Variants in YPEL1 observed in about 807,000 individuals in gnomAD.
The protein encoded by YPEL1 is yippee like 1.
In YPEL1, 7 loss-of-function variants were observed where a neutral mutation model predicts 17.3. The observed-to-expected ratio is 0.40, with a 90% CI of 0.23 to 0.76. The LOEUF (loss-of-function observed/expected upper bound fraction) is 0.76. Among genes scored for constraint, YPEL1 ranks in the 30% least tolerant of loss-of-function variants. The pLI is 0.35. For synonymous variants in YPEL1, 59 were observed against 59.6 expected (o/e 0.99, Z 0.05); for missense variants, 91 against 155.5 (o/e 0.59, Z 2.21).
In YPEL1 at chr22:21,723,711, A is replaced by C. The variant is rs567547597; in HGVS notation, c.-165+11904T>G. 1.9e-4 allele frequency among the ~76,000 whole-genome samples: 26 copies of C among 140,014 alleles called. No individual in the cohort carries two copies. In the South Asian group the frequency reaches 5.6e-3, roughly 30 times the overall value. 91.9% of individuals were successfully genotyped at this position (140,014 alleles called of 152,430 possible). On this transcript the variant is annotated intron_variant, in intron 1 of 4. Transcript: ENST00000339468. Reference sequence around the variant, plus strand: ...ATTAATTTTTTTTTTTTTGAGACGGAGTCTCATTCTGTTCCCCAGGCTGGA... The same window carrying C: ...ATTAATTTTTTTTTTTTTGAGACGGCGTCTCATTCTGTTCCCCAGGCTGGA...
At position 21,732,705 on chromosome 22, in the gene YPEL1, C is replaced by T. The variant is rs1277386016; in HGVS notation, c.-165+2910G>A. ...GCTGAGACAGGAGAATCGCTTGAAC[C>T]CGGGAGGCGGAGGCTGCACTGAGCC... On this transcript the variant is annotated intron_variant, in intron 1 of 4. Transcript: ENST00000339468. Among the ~76,000 whole-genome samples, 13 of 152,134 alleles carry T rather than the reference C, an allele frequency of 8.5e-5. No individual in the cohort carries two copies. In the South Asian group the frequency reaches 1.9e-3, roughly 22 times the overall value.
At chr22:21,712,558 C>T (rs2068179624) in intron 1 of YPEL1, among the ~76,000 whole-genome samples, 1 of 151,606 alleles carries the variant, frequency 6.6e-6, no homozygotes, top group South Asian at 2.1e-4. Flanking sequence ...AACCCCGTCT[C>T]TACTAAAAAT....
Position 21,708,930 on chromosome 22 carries a change from T to C in YPEL1, c.117+1698A>G, listed in dbSNP as rs375142617. The stretch of plus-strand genomic sequence containing the variant: ...CTCAAGTGATCCGCCCACCTCGGTC[T>C]CCCAAAGTGCTGGGATTACAGGGGT... On this transcript the variant is annotated intron_variant, in intron 2 of 4. Transcript: ENST00000339468. 2.9e-4 allele frequency among the ~76,000 whole-genome samples: 44 copies of C among 152,210 alleles called. No homozygotes were observed. The South Asian group carries it at 8.9e-3, about 31-fold the overall frequency.
At position 21,700,939 on chromosome 22, in the gene YPEL1, G is replaced by A; in HGVS notation, c.*190C>T. On this transcript the variant is annotated 3_prime_UTR_variant, in exon 5 of 5. Transcript: ENST00000339468. ...TCATTGAAAATTTTCAGAAACAACT[G>A]TGTACACGAAGAGGACAGATCCGAG... The A allele has an allele frequency of 1.2e-5, 6 of 484,348 alleles. No homozygotes were observed. Among genetic ancestry groups the A allele is most frequent in the Non-Finnish European group, 1.8e-5 (5 of 271,690 alleles). 30.0% of individuals were successfully genotyped at this position (484,348 alleles called of 1,614,324 possible). A position where few individuals can be genotyped will look rare whatever the true frequency, so the allele number is the denominator to read the frequency against.
intron 1 of YPEL1, among the ~76,000 whole-genome samples, chr22:21,712,114 C>T (rs959862210): frequency 6.6e-6 from 1 of 152,048 alleles, no homozygotes; most frequent in African/African-American, 2.4e-5. Context: ...AGTTGAGGCT[C>T]AAGTGAGCTG....
At position 21,721,269 on chromosome 22, in the gene YPEL1, C is replaced by A. The variant is rs187775505; in HGVS notation, c.-164-10361G>T. Among the ~76,000 whole-genome samples the A allele has an allele frequency of 2.0e-3, 308 of 151,132 alleles. 1 individual carries two copies. Among genetic ancestry groups the A allele is most frequent in the African/African-American group, 7.1e-3 (293 of 41,106 alleles). ...CTGGGATTACAGGCGTGTGCCACCA[C>A]GCCCGGCTAATTTTTTTTGTGTGTA... On this transcript the variant is annotated intron_variant, in intron 1 of 4. Transcript: ENST00000339468.
At chr22:21,733,671 G>T (rs2068410128) in intron 1 of YPEL1, among the ~76,000 whole-genome samples, 1 of 152,066 alleles carries the variant, frequency 6.6e-6, no homozygotes, top group Non-Finnish European at 1.5e-5. Flanking sequence ...GCAGTGAGTG[G>T]AGACAGTGCC....
intron 1 of YPEL1, among the ~76,000 whole-genome samples, chr22:21,719,852 C>A (rs2068262795): frequency 6.6e-6 from 1 of 151,954 alleles, no homozygotes; most frequent in African/African-American, 2.4e-5. Context: ...ATGGTGAAAC[C>A]CGTCTCTACT....
intron 1 of YPEL1, among the ~76,000 whole-genome samples, chr22:21,713,720 T>C (rs2148604218): frequency 6.6e-6 from 1 of 152,290 alleles, no homozygotes; most frequent in Non-Finnish European, 1.5e-5. Context: ...ATGGTTAAGA[T>C]GGTAAGAGTT....
intron 2 of YPEL1, among the ~76,000 whole-genome samples, chr22:21,704,328 G>A (rs561580060): frequency 6.6e-6 from 1 of 152,282 alleles, no homozygotes; most frequent in Middle Eastern, 3.4e-3. Context: ...GGGGGTAGGG[G>A]GAGGTGTCCA....
chr22:21,717,047 C>G (rs71314791), intron 1 of YPEL1, among the ~76,000 whole-genome samples: 4,077 of 151,758 alleles, frequency 0.027, 80 homozygotes, highest in Non-Finnish European at 0.041. Context: ...ACTGAAGATA[C>G]GTCAGAATAA....
intron 1 of YPEL1, among the ~76,000 whole-genome samples, chr22:21,725,220 ATTT>A (rs991732672): frequency 7.9e-6 from 1 of 126,296 alleles, no homozygotes; most frequent in African/African-American, 2.9e-5. Flanking sequence ...TAAAATGGTA[ATTT>A]TTTTTTTTTT....
intron 1 of YPEL1, among the ~76,000 whole-genome samples, chr22:21,713,026 G>A (rs1306052846): frequency 6.6e-6 from 1 of 152,096 alleles, no homozygotes; most frequent in African/African-American, 2.4e-5. Context: ...CCATGTCACT[G>A]ATCCTGAGGG....
intron 1 of YPEL1, among the ~76,000 whole-genome samples, chr22:21,729,896 C>T (rs1261066058): frequency 1.3e-5 from 2 of 152,086 alleles, no homozygotes; most frequent in African/African-American, 4.8e-5. Flanking sequence ...ATCTGTAATC[C>T]CAGCACTTTA....
Position 21,708,084 on chromosome 22 carries a change from G to A in YPEL1, c.117+2544C>T, listed in dbSNP as rs138824322. Among the ~76,000 whole-genome samples the A allele has an allele frequency of 2.6e-5, 4 of 151,766 alleles. No individual in the cohort carries two copies. In the East Asian group the frequency reaches 7.8e-4, roughly 30 times the overall value. On this transcript the variant is annotated intron_variant, in intron 2 of 4. Coordinates refer to ENST00000339468, the MANE Select transcript of YPEL1 (RefSeq NM_013313.5). The stretch of plus-strand genomic sequence containing the variant: ...GAAGACAGTGCCTCTCGCCTCGCAG[G>A]TACTGGATTCTGTTCTGCGTGGCAG...
intron 1 of YPEL1, among the ~76,000 whole-genome samples, chr22:21,712,465 GC>G (rs1456592501): frequency 2.0e-5 from 3 of 147,584 alleles, no homozygotes; most frequent in African/African-American, 7.3e-5. Flanking sequence ...GGTGGCTCAC[GC>G]CTGTAATCCC....
rs2068088985 is a variant in YPEL1 at position 21,703,763 on chromosome 22, C to T, written c.161+76G>A. 2 of 1,497,260 alleles carry T rather than the reference C, an allele frequency of 1.3e-6. No homozygotes were observed. Among genetic ancestry groups the T allele is most frequent in the Admixed American group, 2.0e-5 (1 of 50,628 alleles). The allele number at this position is 1,497,260 out of a possible 1,614,324, so 92.7% of individuals were successfully genotyped here. ...CCCTAAAGACCCAGGTGATTCTACACAGGGCACTGTGTAGGTGCCATCCAG... is the reference window on the plus strand; with the variant it reads ...CCCTAAAGACCCAGGTGATTCTACATAGGGCACTGTGTAGGTGCCATCCAG... On this transcript the variant is annotated intron_variant, in intron 3 of 4. Coordinates refer to ENST00000339468, the MANE Select transcript of YPEL1 (RefSeq NM_013313.5). The surrounding 1 kb of genome is among the most constrained non-coding windows in gnomAD (Gnocchi z 6.1).
At chr22:21,709,613 A>G (rs2068145892) in intron 2 of YPEL1, among the ~76,000 whole-genome samples, 2 of 152,150 alleles carry the variant, frequency 1.3e-5, no homozygotes. Flanking sequence ...CTGTCTCTAC[A>G]AGAAAAAATA....
chr22:21,702,219 A>C (rs960725690), intron 4 of YPEL1, among the ~76,000 whole-genome samples: 3 of 152,218 alleles, frequency 2.0e-5, no homozygotes, highest in African/African-American at 7.2e-5. Context: ...GGACTGTGCC[A>C]GCAGGAAGCG....
Sources: allele counts gnomAD v4.1 joint callset (sites outside exome capture counted in the v4.1 genomes callset), GRCh38; gene constraint gnomAD v4.1.1; non-coding constraint Gnocchi (gnomAD v3.1); transcripts MANE v1.5; gene names NCBI Gene and HGNC (gene_info 2026-07-23, HGNC 2026-07-21).